The following ZNF131 variants were observed in gnomAD, a reference collection of about 807,000 sequenced individuals.
The protein encoded by ZNF131 is zinc finger protein 131.
A neutral mutation model predicts 60.0 loss-of-function variants in ZNF131; 7 were observed. The ratio of observed to expected loss-of-function variants is 0.12; its 90% confidence interval spans 0.07 to 0.22. The LOEUF is 0.22. ZNF131 is among the 10% of genes least tolerant of loss of function. The pLI is 1.00. For missense variants in ZNF131, 493 were observed against 740.9 expected, an observed-to-expected ratio of 0.67 and a Z score of 3.88; for synonymous variants, 257 against 253.2, an observed-to-expected ratio of 1.01 and a Z score of -0.14.
intron 4 of ZNF131, among the ~76,000 whole-genome samples, chr5:43,151,271 C>T (rs1260245386): frequency 6.6e-6 from 1 of 152,160 alleles, no homozygotes; most frequent in Non-Finnish European, 1.5e-5. Context: ...ACGGGATGTG[C>T]ATAAATAAGT....
At position 43,144,237 on chromosome 5, in the gene ZNF131, CTTTTTTTTTTTTTT is replaced by C. The variant is rs935655531; in HGVS notation, c.371+4945_371+4958del. Among the ~76,000 whole-genome samples, 301 of 65,326 alleles carry C rather than the reference CTTTTTTTTTTTTTT, an allele frequency of 4.6e-3. 3 individuals are homozygous for C. The highest frequency in any genetic ancestry group is 8.1e-3 in the Admixed American group (34 of 4,222). The allele number at this position is 65,326 out of a possible 152,430, so 42.9% of individuals were successfully genotyped here. On this transcript the variant is annotated intron_variant, in intron 4 of 6. Coordinates refer to ENST00000682664, the MANE Select transcript of ZNF131 (RefSeq NM_001330707.2). ...GCGCCTGGCCTTTTTTTCTTTCTTT[CTTTTTTTTTTTTTT>C]TTTTTTTTTTTTTTTTGGAGACAGA... is the stretch of plus-strand genomic sequence containing the variant.
chr5:43,149,838 G>A (rs899214718), intron 4 of ZNF131, among the ~76,000 whole-genome samples: 1 of 152,068 alleles, frequency 6.6e-6, no homozygotes, highest in Non-Finnish European at 1.5e-5. Context: ...TTGGCAAGGT[G>A]CCTGATCAAA....
intron 3 of ZNF131, among the ~76,000 whole-genome samples, chr5:43,128,423 G>A (rs1744835528): frequency 2.0e-5 from 3 of 152,052 alleles, no homozygotes; most frequent in Admixed American, 6.6e-5. Flanking sequence ...TTGGGAGGCC[G>A]AGCGGGCGGA....
chr5:43,130,456 C>T (rs1050238676), intron 3 of ZNF131, among the ~76,000 whole-genome samples: 7 of 152,066 alleles, frequency 4.6e-5, no homozygotes, highest in African/African-American at 1.7e-4. Context: ...TAACTTTCTT[C>T]TCCTAACTTC....
At chr5:43,127,897 C>G (rs1744755338) in intron 3 of ZNF131, among the ~76,000 whole-genome samples, 1 of 152,200 alleles carries the variant, frequency 6.6e-6, no homozygotes, top group South Asian at 2.1e-4. Flanking sequence ...ACCACAGATC[C>G]ATGGCACTTA....
chr5:43,168,333 C>T (rs1750606129), intron 5 of ZNF131, among the ~76,000 whole-genome samples: 1 of 152,118 alleles, frequency 6.6e-6, no homozygotes, highest in Non-Finnish European at 1.5e-5. Flanking sequence ...AACAGGTATT[C>T]CAGGCAAAGG....
chr5:43,135,246 C>T (rs1579750157), intron 3 of ZNF131, among the ~76,000 whole-genome samples: 2 of 150,012 alleles, frequency 1.3e-5, no homozygotes, highest in South Asian at 4.3e-4. Context: ...CCACCAACCT[C>T]GGCCTCCCAA....
At chr5:43,124,294 GAAAT>G (rs779154246) in intron 3 of ZNF131, 2 of 152,114 alleles carry the variant, frequency 1.3e-5, no homozygotes, top group African/African-American at 2.4e-5. Context: ...AAAACAGCAG[GAAAT>G]AAATGTTTGC....
chr5:43,127,121 GTAA>G lies in ZNF131; in HGVS notation c.226+3816_226+3818del, dbSNP rs1744653260. ...TTATGTATTCTTTCCAGGATTTTTA[GTAA>G]TAATCAATGGACAAGATAGGGTGGA... On this transcript the variant is annotated intron_variant, in intron 3 of 6. Transcript: ENST00000682664. Among the ~76,000 whole-genome samples, 3 of 152,186 alleles carry G rather than the reference GTAA, an allele frequency of 2.0e-5. No individual in the cohort carries two copies. In the South Asian group the frequency reaches 6.2e-4, roughly 32 times the overall value.
At position 43,173,407 on chromosome 5, in the gene ZNF131, G is replaced by A. The variant is rs1162752076; in HGVS notation, c.1144G>A (p.Val382Ile). ...TCACCTCACTGCATGCCAAACTGGA[G>A]TAGGGGCAAAAAAAGGAAGGAAGAA... ...KCHLTACQTG[V>I]GAKKGRKKLY... Residue 382 changes from valine (V) to isoleucine (I), a missense_variant, in exon 6 of 7, where the codon GTA becomes ATA. Val to Ile is a conservative substitution (Grantham distance 29). Around this residue, in one of 7 missense-constraint regions of ZNF131, gnomAD observed 33 missense variants for 67.9 expected, o/e 0.49. Transcript: ENST00000682664. 1.2e-6 allele frequency: 2 copies of A among 1,613,512 alleles called. No individual in the cohort carries two copies. Among genetic ancestry groups the A allele is most frequent in the Admixed American group, 3.3e-5 (2 of 59,996 alleles).
chr5:43,171,688 T>A (rs1314594292), intron 5 of ZNF131, among the ~76,000 whole-genome samples: 2 of 152,188 alleles, frequency 1.3e-5, no homozygotes, highest in Non-Finnish European at 2.9e-5. Context: ...AGTGGTGTGA[T>A]CTCAGCCTAC....
intron 4 of ZNF131, among the ~76,000 whole-genome samples, chr5:43,146,732 C>A (rs185654352): frequency 6.6e-6 from 1 of 152,122 alleles, no homozygotes; most frequent in African/African-American, 2.4e-5. Context: ...ATGGTGAAAC[C>A]CTGTCTCTAC....
At chr5:43,154,839 G>C (rs1748765879) in intron 4 of ZNF131, among the ~76,000 whole-genome samples, 1 of 152,168 alleles carries the variant, frequency 6.6e-6, no homozygotes, top group Non-Finnish European at 1.5e-5. Context: ...TTTTTCCACA[G>C]TTGTGGCCCC....
chr5:43,158,468 T>G (rs538487178), intron 4 of ZNF131, among the ~76,000 whole-genome samples: 1 of 151,908 alleles, frequency 6.6e-6, no homozygotes, highest in South Asian at 2.1e-4. Context: ...TTTTGTATTT[T>G]TAGTAGAGAT....
In ZNF131 at chr5:43,168,072, C is replaced by CT. The variant is rs11432863; in HGVS notation, c.1055-5242dup. Reference sequence around the variant, plus strand: ...GCTAGCTCAGGTTTCTCTTACTCTTCTTTTAAAGCCACCCATCCCATTCCC... The same window carrying CT: ...GCTAGCTCAGGTTTCTCTTACTCTTCTTTTTAAAGCCACCCATCCCATTCCC... On this transcript the variant is annotated intron_variant, in intron 5 of 6. Transcript: ENST00000682664. 8.3e-3 allele frequency: 3,298 copies of CT among 396,682 alleles called. 40 individuals are homozygous for CT. The highest frequency in any genetic ancestry group is 0.043 in the Middle Eastern group (118 of 2,740). 24.6% of individuals were successfully genotyped at this position (396,682 alleles called of 1,614,324 possible).
At chr5:43,170,944 T>A (rs903643050) in intron 5 of ZNF131, among the ~76,000 whole-genome samples, 9 of 148,466 alleles carry the variant, frequency 6.1e-5, no homozygotes, top group African/African-American at 2.2e-4. Context: ...ATTTTTTAAA[T>A]TTTTTTTTAA....
chr5:43,175,136 T>C lies in ZNF131; in HGVS notation c.*3T>C. 1 of 1,600,256 alleles carries C rather than the reference T, an allele frequency of 6.2e-7. No homozygotes were observed. The highest frequency in any genetic ancestry group is 1.4e-5 in the African/African-American group (1 of 74,062). ...CAGCTCTGCCAGTTTTAGAATGAAA[T>C]TACACATGAATATATTTTTAAATTT... On this transcript the variant is annotated 3_prime_UTR_variant, in exon 7 of 7. Coordinates refer to ENST00000682664, the MANE Select transcript of ZNF131 (RefSeq NM_001330707.2).
intron 5 of ZNF131, among the ~76,000 whole-genome samples, chr5:43,167,217 TAATTTAAAAATTTA>T (rs1399427254): frequency 6.6e-6 from 1 of 152,184 alleles, no homozygotes; most frequent in Non-Finnish European, 1.5e-5. Flanking sequence ...TTATAAGACA[TAATTTAAAAATTTA>T]AATTTAAATT....
At chr5:43,122,862 G>C (rs926009966) in intron 2 of ZNF131, among the ~76,000 whole-genome samples, 5 of 152,110 alleles carry the variant, frequency 3.3e-5, no homozygotes, top group African/African-American at 1.2e-4. Context: ...AATGATATGT[G>C]ACCTTTTGGG....
Sources: allele counts gnomAD v4.1 joint callset (sites outside exome capture counted in the v4.1 genomes callset), GRCh38; gene constraint gnomAD v4.1.1; regional missense constraint gnomAD v4.1.1; transcripts MANE v1.5; gene names NCBI Gene and HGNC (gene_info 2026-07-23, HGNC 2026-07-21).